Variants in FRMD6 observed in about 807,000 individuals in gnomAD.
FRMD6 encodes FERM domain-containing protein 6.
FRMD6 carries 37 observed loss-of-function variants against 73.2 expected under a neutral mutation model. The ratio of observed to expected loss-of-function variants is 0.51; its 90% CI spans 0.39 to 0.66. The LOEUF (loss-of-function observed/expected upper bound fraction) is 0.66, where lower values mean the gene tolerates loss of function less well. Ranked by LOEUF, FRMD6 falls within the 30% of genes least tolerant of loss-of-function variation. The probability of loss-of-function intolerance (pLI) is 0.00; values close to 1 mark genes in which losing one functional copy is unlikely to be tolerated. For missense variants in FRMD6, 714 were observed against 780.5 expected, an observed-to-expected ratio of 0.91 and a Z score of 1.02; for synonymous variants, 273 against 282.2, an observed-to-expected ratio of 0.97 and a Z score of 0.33.
chr14:51,681,449 C>T (rs766567255), intron 1 of FRMD6, among the ~76,000 whole-genome samples: 4 of 152,110 alleles, frequency 2.6e-5, no homozygotes, highest in Non-Finnish European at 5.9e-5. Context: ...ATGAGTAACC[C>T]GTTTAATAAA....
chr14:51,619,721 G>A (rs533843413), intron 2 of FRMD6, among the ~76,000 whole-genome samples: 5 of 152,272 alleles, frequency 3.3e-5, no homozygotes, highest in South Asian at 4.1e-4. Context: ...CTAGCAGCTC[G>A]TCCATGGTAC....
chr14:51,554,260 T>C (rs1886999057), intron 1 of FRMD6, among the ~76,000 whole-genome samples: 1 of 152,106 alleles, frequency 6.6e-6, no homozygotes, highest in Admixed American at 6.6e-5. Flanking sequence ...TGAGTCCATG[T>C]TATAAATAAA....
At chr14:51,504,926 C>T (rs1247628165) in intron 1 of FRMD6, among the ~76,000 whole-genome samples, 1 of 152,220 alleles carries the variant, frequency 6.6e-6, no homozygotes, top group Admixed American at 6.5e-5. Context: ...GAGAAGCCAG[C>T]CAGCCAACAG....
chr14:51,396,827 C>A, the FRMD6 span, among the ~76,000 whole-genome samples: 10 of 152,250 alleles, frequency 6.6e-5, no homozygotes, highest in African/African-American at 2.4e-4. Context: ...GCTACAGGGG[C>A]CTTACTAATC....
chr14:51,409,913 A>G, the FRMD6 span, among the ~76,000 whole-genome samples: 52 of 152,306 alleles, frequency 3.4e-4, no homozygotes, highest in African/African-American at 1.2e-3. Context: ...TCACAGTGCC[A>G]TCTTAGACCA....
chr14:51,644,387 A>ACT lies in FRMD6; in HGVS notation c.-146-45302_-146-45301dup, dbSNP rs35312402. ...CACACACACACACACACACACACAC[A>ACT]CTCACTCACTCTCTCTCTCTCTCTC... On this transcript the variant is annotated intron_variant, in intron 2 of 14. Coordinates refer to the FRMD6 transcript ENST00000356218. 1.0e-2 allele frequency among the ~76,000 whole-genome samples: 1,150 copies of ACT among 115,018 alleles called. 13 individuals carry two copies. The highest frequency in any genetic ancestry group is 0.027 in the African/African-American group (921 of 34,272). 75.5% of individuals were successfully genotyped at this position (115,018 alleles called of 152,430 possible). A position where few individuals can be genotyped will look rare whatever the true frequency, so the allele number is the denominator to read the frequency against.
the FRMD6 span, among the ~76,000 whole-genome samples, chr14:51,458,112 A>C: frequency 0.19 from 28,349 of 152,206 alleles, 3,026 homozygotes; most frequent in Middle Eastern, 0.27. Context: ...TTGTTTCCAA[A>C]ATTCAGTGGT....
intron 2 of FRMD6, among the ~76,000 whole-genome samples, chr14:51,594,070 C>T (rs7154230): frequency 0.049 from 7,528 of 152,162 alleles, 242 homozygotes; most frequent in Middle Eastern, 0.11. Context: ...GATGAACTCA[C>T]GACATTTCTT....
intron 12 of FRMD6, among the ~76,000 whole-genome samples, chr14:51,723,591 G>GC (rs1897753422): frequency 1.3e-5 from 2 of 151,846 alleles, no homozygotes; most frequent in South Asian, 4.2e-4. Flanking sequence ...GATCAGCCTG[G>GC]CCAACGTGGT....
At chr14:51,558,888 T>C (rs1887312565) in intron 1 of FRMD6, among the ~76,000 whole-genome samples, 1 of 152,192 alleles carries the variant, frequency 6.6e-6, no homozygotes, top group African/African-American at 2.4e-5. Context: ...CCTTGTTCCC[T>C]GATTGTACCA....
At chr14:51,569,507 CTTTTT>C (rs34661155) in intron 1 of FRMD6, among the ~76,000 whole-genome samples, 1 of 122,800 alleles carries the variant, frequency 8.1e-6, no homozygotes, top group Non-Finnish European at 1.7e-5. Context: ...TTCTTTCTTT[CTTTTT>C]TTTTTTTTTT....
chr14:51,442,633 AGG>A, the FRMD6 span, among the ~76,000 whole-genome samples: 1 of 152,192 alleles, frequency 6.6e-6, no homozygotes, highest in Non-Finnish European at 1.5e-5. Flanking sequence ...TAAGCTCCTC[AGG>A]GCAGAAACTA....
the FRMD6 span, among the ~76,000 whole-genome samples, chr14:51,475,140 A>G: frequency 6.6e-6 from 1 of 152,194 alleles, no homozygotes; most frequent in South Asian, 2.1e-4. Context: ...GTCAGAATAC[A>G]CAAATTTGTA....
At chr14:51,641,357 C>A (rs1891800560) in intron 2 of FRMD6, among the ~76,000 whole-genome samples, 1 of 152,080 alleles carries the variant, frequency 6.6e-6, no homozygotes, top group Admixed American at 6.5e-5. Context: ...GCTTAGGTTT[C>A]CAACTTTTTT....
chr14:51,619,791 G>A (rs1171888293), intron 2 of FRMD6, among the ~76,000 whole-genome samples: 2 of 152,168 alleles, frequency 1.3e-5, no homozygotes, highest in African/African-American at 2.4e-5. Flanking sequence ...TATCTCAACA[G>A]CTGGATTCCA....
chr14:51,425,177 A>G, the FRMD6 span, among the ~76,000 whole-genome samples: 1 of 152,052 alleles, frequency 6.6e-6, no homozygotes, highest in African/African-American at 2.4e-5. Context: ...AATGGACGGG[A>G]CTTTGGCTGG....
the FRMD6 span, among the ~76,000 whole-genome samples, chr14:51,466,218 A>G: frequency 6.6e-6 from 1 of 152,192 alleles, no homozygotes; most frequent in Admixed American, 6.5e-5. Flanking sequence ...TTGCATTTAC[A>G]TTTATTAATT....
intron 1 of FRMD6, among the ~76,000 whole-genome samples, chr14:51,677,406 A>T (rs1894465696): frequency 6.6e-6 from 1 of 152,076 alleles, no homozygotes; most frequent in South Asian, 2.1e-4. Context: ...GAGGGAATTG[A>T]GTGCAAGTCC....
At chr14:51,525,649 A>G (rs1003876314) in intron 1 of FRMD6, among the ~76,000 whole-genome samples, 1 of 152,048 alleles carries the variant, frequency 6.6e-6, no homozygotes, top group Non-Finnish European at 1.5e-5. Context: ...ATCCCTAGTA[A>G]ATATTCTGGT....
Sources: allele counts gnomAD v4.1 joint callset (sites outside exome capture counted in the v4.1 genomes callset), GRCh38; gene constraint gnomAD v4.1.1; transcripts MANE v1.5; gene names NCBI Gene and HGNC (gene_info 2026-07-23, HGNC 2026-07-21).